Variants in SCN1A observed in about 807,000 individuals in gnomAD.
The protein encoded by SCN1A is sodium channel protein type 1 subunit alpha.
Under a neutral mutation model 193.7 loss-of-function variants are expected in SCN1A, and 13 were observed. The ratio of observed to expected loss-of-function variants is 0.07; its 90% CI spans 0.04 to 0.11. SCN1A has a LOEUF of 0.11. Ranked by LOEUF, SCN1A falls within the 10% of genes least tolerant of loss-of-function variation. The pLI, the probability that SCN1A is intolerant of heterozygous loss-of-function variation, is 1.00. For missense variants in SCN1A, 1,432 were observed against 2,451.1 expected, an observed-to-expected ratio of 0.58 and a Z score of 8.78; for synonymous variants, 781 against 843.6, an observed-to-expected ratio of 0.93 and a Z score of 1.29.
intron 26 of SCN1A, among the ~76,000 whole-genome samples, chr2:165,996,682 A>T (rs1454380662): frequency 6.6e-6 from 1 of 151,462 alleles, no homozygotes; most frequent in Non-Finnish European, 1.5e-5. Context: ...CAGTAGGGAT[A>T]GAAGATTGGA....
intron 2 of SCN1A, among the ~76,000 whole-genome samples, chr2:166,119,156 C>T (rs1690252625): frequency 6.6e-6 from 1 of 152,200 alleles, no homozygotes; most frequent in Admixed American, 6.5e-5. Flanking sequence ...TCCTAACAGG[C>T]CAGGGACCAG....
intron 22 of SCN1A, among the ~76,000 whole-genome samples, chr2:166,010,283 A>G (rs1007080415): frequency 5.3e-5 from 8 of 151,346 alleles, no homozygotes; most frequent in South Asian, 2.1e-4. Flanking sequence ...GCATCAGTAT[A>G]TTCAACTAAT....
At chr2:166,083,807 T>C (rs910844097) in intron 2 of SCN1A, among the ~76,000 whole-genome samples, 3 of 152,184 alleles carry the variant, frequency 2.0e-5, no homozygotes, top group African/African-American at 7.2e-5. Flanking sequence ...CAAATGTCAT[T>C]AGTTTATATC....
chr2:166,139,413 T>C (rs527362528), intron 1 of SCN1A, among the ~76,000 whole-genome samples: 39 of 152,266 alleles, frequency 2.6e-4, no homozygotes, highest in Non-Finnish European at 2.9e-5. Context: ...GTTCTCATGA[T>C]AGTGAATAAG....
rs1691560127 is a variant in SCN1A, at chr2:166,005,682, G to T, written c.4003-2929C>A. On this transcript the variant is annotated intron_variant, in intron 23 of 28. Coordinates refer to ENST00000674923, the MANE Select transcript of SCN1A (RefSeq NM_001165963.4). ...CATAGAAAAGATTGTCTTTTCCCAA[G>T]AGTTCCAAGCCATTCCTTGGTTCAG... Among the ~76,000 whole-genome samples the T allele has an allele frequency of 2.6e-5, 4 of 151,330 alleles. No individual in the cohort carries two copies. The Admixed American group carries it at 2.6e-4, about 10-fold the overall frequency.
At chr2:166,015,980 T>C (rs1239612622) in intron 19 of SCN1A, 1 of 451,242 alleles carries the variant, frequency 2.2e-6, no homozygotes, top group Non-Finnish European at 4.1e-6. Context: ...ATCAGCCACA[T>C]GTACTGAGCA....
chr2:166,075,962 C>G (rs1684946284), intron 3 of SCN1A, among the ~76,000 whole-genome samples: 1 of 151,696 alleles, frequency 6.6e-6, no homozygotes, highest in Admixed American at 6.6e-5. Flanking sequence ...TTTTTATTTT[C>G]TTTCCTGCAA....
chr2:166,035,521 C>T (rs1208476230), intron 19 of SCN1A, among the ~76,000 whole-genome samples: 2 of 151,972 alleles, frequency 1.3e-5, no homozygotes, highest in Non-Finnish European at 2.9e-5. Context: ...GTAAATGTTC[C>T]TCAATTTACA....
At chr2:165,985,272 G>C (rs1214574714), downstream of SCN1A, 2 of 150,914 alleles carry the variant, frequency 1.3e-5, no homozygotes, top group Non-Finnish European at 3.0e-5. Context: ...ATTGAAGGAA[G>C]GAAGGAAGGA....
rs1573925408 is a variant in SCN1A at position 165,986,673 on chromosome 2, A to G, written c.*4572T>C. 1 of 144,896 alleles carries G rather than the reference A, an allele frequency of 6.9e-6. No individual in the cohort carries two copies. Among genetic ancestry groups the G allele is most frequent in the Non-Finnish European group, 1.5e-5 (1 of 66,684 alleles). 9.0% of individuals were successfully genotyped at this position (144,896 alleles called of 1,614,324 possible). A position where few individuals can be genotyped will look rare whatever the true frequency, so the allele number is the denominator to read the frequency against. The stretch of plus-strand genomic sequence containing the variant: ...AATATGATAGTGTGAACACGCAGAC[A>G]TAGGCACTTCAGTAACACACAGCAA... On this transcript the variant is annotated 3_prime_UTR_variant, in exon 29 of 29. Coordinates refer to ENST00000674923, the MANE Select transcript of SCN1A (RefSeq NM_001165963.4).
At position 166,114,611 on chromosome 2, in the gene SCN1A, TA is replaced by T. The variant is rs1574562000; in HGVS notation, c.-142+12312del. 3.9e-5 allele frequency among the ~76,000 whole-genome samples: 6 copies of T among 152,320 alleles called. No homozygotes were observed. The East Asian group carries it at 1.2e-3, about 29-fold the overall frequency. Reference sequence around the variant, plus strand: ...CAACAGATGATCTTTTGGCTATTAATAAAAATGTAAAATTCTTGGTATTTTT... The same window carrying T: ...CAACAGATGATCTTTTGGCTATTAATAAAATGTAAAATTCTTGGTATTTTT... On this transcript the variant is annotated intron_variant, in intron 2 of 28. Transcript: ENST00000674923.
intron 3 of SCN1A, among the ~76,000 whole-genome samples, chr2:166,076,601 C>T (rs1685007532): frequency 1.3e-5 from 2 of 151,978 alleles, no homozygotes; most frequent in South Asian, 4.1e-4. Context: ...TGAAGAAGAA[C>T]AAAGTTGGAG....
chr2:166,077,405 C>T (rs1306113390), intron 3 of SCN1A, among the ~76,000 whole-genome samples: 2 of 151,700 alleles, frequency 1.3e-5, no homozygotes, highest in Non-Finnish European at 1.5e-5. Context: ...GGCCAAAGAC[C>T]TGAACAGACA....
chr2:165,999,691 G>A (rs761112932), intron 25 of SCN1A, 32 bp downstream of exon 25: 10 of 1,455,776 alleles, frequency 6.9e-6, no homozygotes, highest in African/African-American at 2.8e-5. Flanking sequence ...GATCAATATT[G>A]TAAAAAGACT....
chr2:166,001,313 C>G (rs1360196122), intron 24 of SCN1A, among the ~76,000 whole-genome samples: 1 of 151,628 alleles, frequency 6.6e-6, no homozygotes, highest in Non-Finnish European at 1.5e-5. Context: ...TAAAAAATCT[C>G]TATTTTAATT....
chr2:166,057,624 CAT>C (rs1309229899), intron 5 of SCN1A, among the ~76,000 whole-genome samples: 19 of 151,914 alleles, frequency 1.3e-4, no homozygotes, highest in Admixed American at 5.3e-4. Context: ...AAAACCCTAT[CAT>C]ATGATTTTTA....
intron 19 of SCN1A, among the ~76,000 whole-genome samples, chr2:166,026,276 A>T (rs551929655): frequency 1.6e-4 from 25 of 152,264 alleles, no homozygotes; most frequent in African/African-American, 5.3e-4. Flanking sequence ...GTTGTATTAA[A>T]ACCTTCATAA....
chr2:166,137,109 G>T (rs937098185), intron 1 of SCN1A, among the ~76,000 whole-genome samples: 1 of 152,128 alleles, frequency 6.6e-6, no homozygotes, highest in African/African-American at 2.4e-5. Context: ...TTCTTCCAGG[G>T]CTCCAGCATT....
At chr2:166,042,986 T>G (rs1414488884) in intron 14 of SCN1A, among the ~76,000 whole-genome samples, 1 of 152,202 alleles carries the variant, frequency 6.6e-6, no homozygotes, top group Admixed American at 6.5e-5. Flanking sequence ...AATTCTGACT[T>G]AGTCATGCCT....
Sources: gnomAD v4.1 joint callset for allele counts (sites outside exome capture counted in the v4.1 genomes callset) on GRCh38, gnomAD v4.1.1 for gene constraint, MANE v1.5 for transcripts, NCBI Gene and HGNC (gene_info 2026-07-23, HGNC 2026-07-21) for gene names.